Variants in MAP6 observed in about 807,000 individuals in gnomAD.
MAP6 encodes the protein microtubule-associated protein 6.
Under a neutral mutation model 42.4 loss-of-function variants are expected in MAP6, and 26 were observed. That is an observed-to-expected ratio of 0.61 (90% CI 0.45 to 0.85). The LOEUF is 0.85. Among genes scored for constraint, MAP6 ranks in the 40% least tolerant of loss-of-function variants. The pLI is 0.00. For synonymous variants in MAP6, 418 were observed against 443.8 expected, an observed-to-expected ratio of 0.94 and a Z score of 0.73; for missense variants, 966 against 1,099.0, an observed-to-expected ratio of 0.88 and a Z score of 1.71.
intron 1 of MAP6, among the ~76,000 whole-genome samples, chr11:75,665,667 T>C (rs534200344): frequency 3.3e-5 from 5 of 152,308 alleles, no homozygotes; most frequent in Admixed American, 3.3e-4. Flanking sequence ...GAAAACTACA[T>C]CCTGCCTTTG....
intron 1 of MAP6, among the ~76,000 whole-genome samples, chr11:75,617,882 A>G (rs745770038): frequency 4.6e-5 from 7 of 152,146 alleles, no homozygotes; most frequent in Non-Finnish European, 1.0e-4. Flanking sequence ...AGAGAAGGCT[A>G]CGCTCTTTTG....
At chr11:75,647,985 G>GA (rs1290280085) in intron 1 of MAP6, among the ~76,000 whole-genome samples, 1 of 152,074 alleles carries the variant, frequency 6.6e-6, no homozygotes, top group African/African-American at 2.4e-5. Flanking sequence ...ACAGAGCCCA[G>GA]AAACAGATCC....
chr11:75,588,288 G>A, intron 3 of MAP6, 104 bp from the exon 4 acceptor site: 1 of 1,050,660 alleles, frequency 9.5e-7, no homozygotes, highest in Non-Finnish European at 1.4e-6. Flanking sequence ...GCCTGGGCCG[G>A]GCAGCTCTTG....
chr11:75,587,762 G>A lies in MAP6; in HGVS notation c.1739C>T (p.Pro580Leu). 6.2e-7 allele frequency: 1 copy of A among 1,613,292 alleles called. No individual in the cohort carries two copies. The highest frequency in any genetic ancestry group is 2.2e-5 in the East Asian group (1 of 44,856). Residue 580 changes from proline (P) to leucine (L), a missense_variant, in exon 4 of 4, where the codon CCT becomes CTT. Pro to Leu is a moderately conservative substitution (Grantham distance 98). This residue lies in a region of MAP6 where 943 missense variants were observed against 1,049.9 expected (regional missense o/e 0.90). Transcript: ENST00000304771. ...GACCATGGGACCTTCATCCTTGACA[G>A]GTGCTGGGACCATAGGAGCTTGATT... ...VKNQAPMVPA[P>L]VKDEGPMVSA...
chr11:75,621,981 C>A (rs990719533), intron 1 of MAP6, among the ~76,000 whole-genome samples: 5 of 151,892 alleles, frequency 3.3e-5, no homozygotes, highest in Non-Finnish European at 7.4e-5. Flanking sequence ...TGAGATCATG[C>A]CACTGCACTC....
Position 75,588,030 on chromosome 11 carries a change from C to T in MAP6, c.1471G>A (p.Gly491Arg), listed in dbSNP as rs769488816. The stretch of plus-strand genomic sequence containing the variant: ...ATGGGACCTAGATCCTTTGGAGGCC[C>T]TGGGACCACAGAACCTTGCTTCTTC... The part of the protein sequence containing the change: ...PLKKQGSVVP[G>R]PPKDLGPMIP... The change falls in exon 4 of 4, where the codon GGG becomes AGG. Residue 491 changes from glycine (G) to arginine (R), a missense_variant. Coordinates refer to ENST00000304771, the MANE Select transcript of MAP6 (RefSeq NM_033063.2). 3 of 1,614,084 alleles carry T rather than the reference C, an allele frequency of 1.9e-6. No homozygotes were observed. The Admixed American group carries it at 5.0e-5, about 27-fold the overall frequency.
At chr11:75,609,959 A>C (rs1393987958) in intron 1 of MAP6, among the ~76,000 whole-genome samples, 1 of 152,216 alleles carries the variant, frequency 6.6e-6, no homozygotes, top group Non-Finnish European at 1.5e-5. Context: ...TGATTTAACC[A>C]ATTCCTGGAT....
In MAP6 at chr11:75,587,351, T is replaced by C. The variant is rs769216617; in HGVS notation, c.2150A>G (p.Asp717Gly). 6 of 1,613,664 alleles carry C rather than the reference T, an allele frequency of 3.7e-6. No individual in the cohort carries two copies. Among genetic ancestry groups the C allele is most frequent in the Non-Finnish European group, 5.1e-6 (6 of 1,179,930 alleles). The change falls in exon 4 of 4, where the codon GAC becomes GGC. Residue 717 changes from aspartate to glycine, a missense_variant. Asp to Gly is a moderately conservative substitution (Grantham distance 94). This residue lies in a region of MAP6 where 943 missense variants were observed against 1,049.9 expected (regional missense o/e 0.90). Transcript: ENST00000304771. ...PVVPESVKNQ[D>G]PILPVLVKDQ... Reference sequence around the variant, plus strand: ...CTTAACTAGTACTGGGAGAATGGGGTCTTGATTCTTCACGGACTCGGGGAC... The same window carrying C: ...CTTAACTAGTACTGGGAGAATGGGGCCTTGATTCTTCACGGACTCGGGGAC...
intron 3 of MAP6, among the ~76,000 whole-genome samples, chr11:75,593,500 G>A (rs1590750797): frequency 6.6e-6 from 1 of 152,210 alleles, no homozygotes; most frequent in African/African-American, 2.4e-5. Context: ...ATGGTGAAAG[G>A]ACTTCACTCC....
intron 1 of MAP6, among the ~76,000 whole-genome samples, chr11:75,649,498 T>G (rs184270101): frequency 6.6e-6 from 1 of 152,276 alleles, no homozygotes; most frequent in East Asian, 1.9e-4. Flanking sequence ...AAAAAATATT[T>G]TTTAATACAA....
At chr11:75,596,153 CACA>C (rs943684965) in intron 3 of MAP6, 2 of 152,238 alleles carry the variant, frequency 1.3e-5, no homozygotes, top group African/African-American at 4.8e-5. Flanking sequence ...ATTTGATTCT[CACA>C]ACAATGGTGT....
intron 3 of MAP6, chr11:75,605,521 T>C: frequency 8.2e-7 from 1 of 1,213,542 alleles, no homozygotes; most frequent in South Asian, 2.0e-5. Flanking sequence ...CCTGCCTGCC[T>C]TGCTCATCAG....
intron 1 of MAP6, among the ~76,000 whole-genome samples, chr11:75,635,421 T>C (rs928077119): frequency 2.6e-5 from 4 of 152,208 alleles, no homozygotes; most frequent in Non-Finnish European, 5.9e-5. Context: ...TTAAGCCCCT[T>C]CCATCAGCAC....
chr11:75,630,542 T>C (rs960265110), intron 1 of MAP6, among the ~76,000 whole-genome samples: 5 of 152,248 alleles, frequency 3.3e-5, no homozygotes, highest in African/African-American at 1.2e-4. Flanking sequence ...TGATATATCA[T>C]AGAATACTAC....
intron 3 of MAP6, chr11:75,603,708 C>T: frequency 1.0e-6 from 1 of 985,314 alleles, no homozygotes; most frequent in Non-Finnish European, 1.2e-6. Context: ...GGTTGTGTGG[C>T]TGTGGAGACA....
chr11:75,593,163 G>C (rs146117906), intron 3 of MAP6, among the ~76,000 whole-genome samples: 1 of 152,318 alleles, frequency 6.6e-6, no homozygotes, highest in East Asian at 1.9e-4. Context: ...CTAGACTGAA[G>C]TGTCCAGAGG....
intron 1 of MAP6, among the ~76,000 whole-genome samples, chr11:75,648,318 A>C (rs905821394): frequency 6.6e-6 from 1 of 152,146 alleles, no homozygotes; most frequent in Admixed American, 6.5e-5. Context: ...ACATAGTGAG[A>C]CCTCGTCTCT....
At chr11:75,658,124 G>A (rs1249559111) in intron 1 of MAP6, among the ~76,000 whole-genome samples, 1 of 152,146 alleles carries the variant, frequency 6.6e-6, no homozygotes, top group African/African-American at 2.4e-5. Flanking sequence ...TAATAATGCT[G>A]CTATAAACAT....
intron 1 of MAP6, among the ~76,000 whole-genome samples, chr11:75,633,798 A>G (rs1320243029): frequency 6.6e-6 from 1 of 152,160 alleles, no homozygotes; most frequent in Admixed American, 6.5e-5. Flanking sequence ...GCTGAATGGG[A>G]GCTAACGAGG....
Sources: allele counts gnomAD v4.1 joint callset (sites outside exome capture counted in the v4.1 genomes callset), GRCh38; gene constraint gnomAD v4.1.1; regional missense constraint gnomAD v4.1.1; transcripts MANE v1.5; gene names NCBI Gene and HGNC (gene_info 2026-07-23, HGNC 2026-07-21).